Variants in ANGPT2 observed in about 807,000 individuals in gnomAD.
ANGPT2 encodes the protein angiopoietin-2.
A neutral mutation model predicts 62.9 loss-of-function variants in ANGPT2; 28 were observed. The observed-to-expected ratio is 0.44, with a 90% CI of 0.33 to 0.61. ANGPT2 has a LOEUF of 0.61. Among genes scored for constraint, ANGPT2 ranks in the 20% least tolerant of loss-of-function variants. The pLI, the probability that ANGPT2 is intolerant of heterozygous loss-of-function variation, is 0.03. For synonymous variants in ANGPT2, 284 were observed against 207.8 expected (o/e 1.37, Z -3.15); for missense variants, 727 against 594.9 (o/e 1.22, Z -2.31).
intron 7 of ANGPT2, among the ~76,000 whole-genome samples, chr8:6,510,112 A>G (rs1200036970): frequency 1.3e-5 from 2 of 152,078 alleles, no homozygotes; most frequent in Non-Finnish European, 2.9e-5. Flanking sequence ...ACCAGCAAGG[A>G]GCATATAAGG....
Position 6,553,406 on chromosome 8 carries a change from G to A in ANGPT2, c.288+9241C>T, listed in dbSNP as rs931467595. 2.6e-5 allele frequency among the ~76,000 whole-genome samples: 4 copies of A among 152,158 alleles called. No individual in the cohort carries two copies. In the East Asian group the frequency reaches 7.7e-4, roughly 29 times the overall value. ...ACTAGGGTCTTCTGATGGTTACATA[G>A]TTAAAAGTACACTAGCACACCGGGA... On this transcript the variant is annotated intron_variant, in intron 1 of 8. Transcript: ENST00000629816.
At chr8:6,512,990 A>G (rs1413947022) in intron 7 of ANGPT2, among the ~76,000 whole-genome samples, 1 of 152,198 alleles carries the variant, frequency 6.6e-6, no homozygotes, top group Non-Finnish European at 1.5e-5. Context: ...AACTTTTGAA[A>G]CCTTTTGGAA....
chr8:6,505,251 T>TATGTATATATAGAATATATA (rs1563305171), intron 8 of ANGPT2, among the ~76,000 whole-genome samples: 2 of 82,210 alleles, frequency 2.4e-5, no homozygotes, highest in African/African-American at 5.0e-5. Context: ...TATATATTCT[T>TATGTATATATAGAATATATA]TATATATGTT....
chr8:6,534,123 G>A (rs879457613), intron 1 of ANGPT2, among the ~76,000 whole-genome samples: 2 of 152,064 alleles, frequency 1.3e-5, no homozygotes, highest in African/African-American at 2.4e-5. Flanking sequence ...TGGGTCAGAT[G>A]AGCAGGATGC....
At chr8:6,532,211 C>T in intron 2 of ANGPT2, 121 bp downstream of exon 2, 3 of 1,158,760 alleles carry the variant, frequency 2.6e-6, no homozygotes, top group Non-Finnish European at 3.7e-6. Context: ...CAATTCATTC[C>T]TTTTCTCCTG....
At chr8:6,543,302 G>A (rs1563098032) in intron 1 of ANGPT2, among the ~76,000 whole-genome samples, 1 of 152,292 alleles carries the variant, frequency 6.6e-6, no homozygotes. Context: ...CCCGCCGTCC[G>A]CAAATGTGTT....
At chr8:6,537,823 C>G (rs1318862860) in intron 1 of ANGPT2, among the ~76,000 whole-genome samples, 1 of 152,054 alleles carries the variant, frequency 6.6e-6, no homozygotes, top group Non-Finnish European at 1.5e-5. Flanking sequence ...TGAAAACTAT[C>G]CCCAACTTGG....
chr8:6,509,136 G>A, intron 7 of ANGPT2, 74 bp from the exon 8 acceptor site: 1 of 1,551,256 alleles, frequency 6.4e-7, no homozygotes, highest in South Asian at 1.2e-5. Context: ...TTTTTGTGAT[G>A]AAGAATTCCA....
intron 5 of ANGPT2, among the ~76,000 whole-genome samples, chr8:6,517,719 G>T (rs982732988): frequency 3.3e-5 from 5 of 152,064 alleles, no homozygotes; most frequent in Non-Finnish European, 5.9e-5. Context: ...GGGTATCATT[G>T]TTCTGTTACA....
chr8:6,531,221 C>G (rs1389685404), intron 2 of ANGPT2, among the ~76,000 whole-genome samples: 1 of 151,792 alleles, frequency 6.6e-6, no homozygotes, highest in Non-Finnish European at 1.5e-5. Context: ...TAGCATGTCT[C>G]TCGGTGAATT....
chr8:6,553,397 G>A (rs1037078296), intron 1 of ANGPT2, among the ~76,000 whole-genome samples: 3 of 152,096 alleles, frequency 2.0e-5, no homozygotes, highest in Non-Finnish European at 4.4e-5. Context: ...GTCTTCTGAT[G>A]GTTACATAGT....
chr8:6,548,966 C>A (rs566033345), intron 1 of ANGPT2, among the ~76,000 whole-genome samples: 1 of 152,298 alleles, frequency 6.6e-6, no homozygotes, highest in African/African-American at 2.4e-5. Flanking sequence ...TATGTTTAAC[C>A]AGTACTTAAT....
intron 1 of ANGPT2, among the ~76,000 whole-genome samples, chr8:6,546,873 G>T (rs1266182234): frequency 1.3e-5 from 2 of 152,174 alleles, no homozygotes; most frequent in Non-Finnish European, 2.9e-5. Flanking sequence ...AATAAATTGT[G>T]TAAGACCTTC....
At chr8:6,557,545 A>G (rs2129575491) in intron 1 of ANGPT2, among the ~76,000 whole-genome samples, 1 of 152,316 alleles carries the variant, frequency 6.6e-6, no homozygotes, top group South Asian at 2.1e-4. Flanking sequence ...GATGTAGTGA[A>G]AAGAGAATAG....
intron 2 of ANGPT2, 47 bp downstream of exon 2, chr8:6,532,285 A>AG: frequency 6.2e-7 from 1 of 1,611,342 alleles, no homozygotes; most frequent in Non-Finnish European, 8.5e-7. Context: ...ACTGAGTGCT[A>AG]GTCTCTAGCT....
intron 7 of ANGPT2, among the ~76,000 whole-genome samples, chr8:6,510,669 G>A (rs1017330131): frequency 6.6e-6 from 1 of 152,180 alleles, no homozygotes; most frequent in African/African-American, 2.4e-5. Context: ...ATGGAGGTAG[G>A]ATTTGCACCA....
chr8:6,554,275 T>C (rs1449179902), intron 1 of ANGPT2, among the ~76,000 whole-genome samples: 1 of 148,558 alleles, frequency 6.7e-6, no homozygotes, highest in African/African-American at 2.5e-5. Context: ...AATTGAGAAA[T>C]AGACCCTACA....
chr8:6,538,251 A>G (rs1563088971), intron 1 of ANGPT2, among the ~76,000 whole-genome samples: 1 of 152,186 alleles, frequency 6.6e-6, no homozygotes, highest in Non-Finnish European at 1.5e-5. Flanking sequence ...ATTTAGAAAT[A>G]AGATATTGCA....
intron 8 of ANGPT2, among the ~76,000 whole-genome samples, chr8:6,504,150 C>T (rs1388343559): frequency 6.6e-6 from 1 of 151,868 alleles, no homozygotes; most frequent in Non-Finnish European, 1.5e-5. Context: ...AACCCCGTCT[C>T]TACTAAAAAT....
Sources: allele counts gnomAD v4.1 joint callset (sites outside exome capture counted in the v4.1 genomes callset), GRCh38; gene constraint gnomAD v4.1.1; transcripts MANE v1.5; gene names NCBI Gene and HGNC (gene_info 2026-07-23, HGNC 2026-07-21).